Variants in CCNY observed in about 807,000 individuals in gnomAD.
CCNY encodes cyclin-Y.
Under a neutral mutation model 42.8 loss-of-function variants are expected in CCNY, and 19 were observed. The observed-to-expected ratio is 0.44, with a 90% confidence interval of 0.31 to 0.65. The LOEUF (loss-of-function observed/expected upper bound fraction) is 0.65. CCNY is among the 30% of genes least tolerant of loss of function. The pLI, the probability that CCNY is intolerant of heterozygous loss-of-function variation, is 0.07. For synonymous variants in CCNY, 165 were observed against 162.7 expected, an observed-to-expected ratio of 1.01 and a Z score of -0.11; for missense variants, 370 against 437.3, an observed-to-expected ratio of 0.85 and a Z score of 1.37.
At chr10:35,542,946 C>T (rs113631648) in intron 7 of CCNY, among the ~76,000 whole-genome samples, 1,583 of 152,278 alleles carry the variant, frequency 0.01, 24 homozygotes, top group African/African-American at 0.036. Flanking sequence ...GTTGCCATGC[C>T]TATGCAAATT....
At chr10:35,345,596 A>T (rs1419167650) in intron 1 of CCNY, among the ~76,000 whole-genome samples, 1 of 152,172 alleles carries the variant, frequency 6.6e-6, no homozygotes, top group Non-Finnish European at 1.5e-5. Flanking sequence ...TGGTACTCAT[A>T]TTGATTTTCT....
intron 1 of CCNY, among the ~76,000 whole-genome samples, chr10:35,480,170 G>A (rs1028654948): frequency 2.0e-5 from 3 of 152,156 alleles, no homozygotes; most frequent in African/African-American, 7.2e-5. Flanking sequence ...CCGCACTGGG[G>A]AGAGATGACA....
chr10:35,326,035 C>G (rs1564369303), intron 3 of CCNY, among the ~76,000 whole-genome samples: 1 of 152,134 alleles, frequency 6.6e-6, no homozygotes, highest in Non-Finnish European at 1.5e-5. Context: ...ATGATTATGC[C>G]ACTGCACTTT....
intron 8 of CCNY, among the ~76,000 whole-genome samples, chr10:35,562,474 C>T (rs1466353920): frequency 6.6e-6 from 1 of 152,200 alleles, no homozygotes; most frequent in African/African-American, 2.4e-5. Flanking sequence ...ACTTGCCATT[C>T]CTCCTTCCTC....
At position 35,572,574 on chromosome 10, in the gene CCNY, CT is replaced by C. The variant is rs778046651; in HGVS notation, c.*3405del. ...AGATTACAGGCGTGAGCCACTGCCC[CT>C]GGCCCAGATTTGAAATTTTTTAAAA... On this transcript the variant is annotated 3_prime_UTR_variant, in exon 10 of 10. Coordinates refer to ENST00000374704, the MANE Select transcript of CCNY (RefSeq NM_145012.6). 5.3e-5 allele frequency: 8 copies of C among 152,216 alleles called. No individual in the cohort carries two copies. The highest frequency in any genetic ancestry group is 7.3e-5 in the Non-Finnish European group (5 of 68,046). The allele number at this position is 152,216 out of a possible 1,614,324, so 9.4% of individuals were successfully genotyped here. A position where few individuals can be genotyped will look rare whatever the true frequency, so the allele number is the denominator to read the frequency against.
chr10:35,389,059 G>T (rs932514662), intron 1 of CCNY, among the ~76,000 whole-genome samples: 2 of 152,208 alleles, frequency 1.3e-5, no homozygotes, highest in East Asian at 3.8e-4. Flanking sequence ...AATTCCATCT[G>T]CAACCTTAAT....
intron 3 of CCNY, among the ~76,000 whole-genome samples, chr10:35,302,495 G>C (rs1387542139): frequency 6.6e-6 from 1 of 151,758 alleles, no homozygotes; most frequent in Non-Finnish European, 1.5e-5. Flanking sequence ...ATTTTTGGTA[G>C]AGACGGGGTT....
At chr10:35,521,635 C>T (rs543886498) in intron 4 of CCNY, among the ~76,000 whole-genome samples, 1 of 152,310 alleles carries the variant, frequency 6.6e-6, no homozygotes, top group East Asian at 1.9e-4. Flanking sequence ...ATCGTTCTGG[C>T]CCTGCGAAGG....
In CCNY at chr10:35,313,674, T is replaced by A. The variant is rs182244987; in HGVS notation, c.-9+63048T>A. Among the ~76,000 whole-genome samples the A allele has an allele frequency of 1.5e-4, 23 of 152,230 alleles. 1 individual carries two copies. The East Asian group carries it at 4.3e-3, about 28-fold the overall frequency. On this transcript the variant is annotated intron_variant, in intron 3 of 11. Transcript: ENST00000374706. ...AGACAACTGGTTCTGTATAAATTAC[T>A]AAGATTAAAAGTAAATGGCTGGGCA... is the stretch of plus-strand genomic sequence containing the variant.
At chr10:35,523,291 T>C (rs1187916353) in intron 4 of CCNY, among the ~76,000 whole-genome samples, 1 of 152,180 alleles carries the variant, frequency 6.6e-6, no homozygotes, top group Non-Finnish European at 1.5e-5. Flanking sequence ...CTTGGCCCAC[T>C]GTCTCAGGCC....
chr10:35,356,133 A>G (rs1439252966), intron 1 of CCNY, among the ~76,000 whole-genome samples: 2 of 152,206 alleles, frequency 1.3e-5, no homozygotes, highest in Non-Finnish European at 2.9e-5. Flanking sequence ...GAAAGCTTGT[A>G]TTACAAAGAT....
At chr10:35,283,508 A>G (rs780043241) in intron 3 of CCNY, among the ~76,000 whole-genome samples, 1 of 151,644 alleles carries the variant, frequency 6.6e-6, no homozygotes. Flanking sequence ...GGTTCAAGTG[A>G]TTCTCCTGCC....
chr10:35,356,819 C>A (rs960283908), intron 1 of CCNY, among the ~76,000 whole-genome samples: 1 of 152,170 alleles, frequency 6.6e-6, no homozygotes, highest in Admixed American at 6.5e-5. Context: ...CTCTCTCTCT[C>A]CTTAACAGAT....
chr10:35,252,698 G>A lies in CCNY; in HGVS notation c.-9+2072G>A, dbSNP rs115030139. Among the ~76,000 whole-genome samples, 667 of 151,658 alleles carry A rather than the reference G, an allele frequency of 4.4e-3. 6 individuals carry two copies. Among genetic ancestry groups the A allele is most frequent in the African/African-American group, 0.015 (640 of 41,360 alleles). On this transcript the variant is annotated intron_variant, in intron 3 of 11. Coordinates refer to the CCNY transcript ENST00000374706. ...GTACTGGATGGAGATCTTGCTTCTT[G>A]TTTTACTTTTTGACAGCAGAGGGAG... is the stretch of plus-strand genomic sequence containing the variant.
chr10:35,434,367 T>C (rs1589119062), intron 1 of CCNY: 1 of 152,168 alleles, frequency 6.6e-6, no homozygotes, highest in East Asian at 1.9e-4. Context: ...CCTGATGGAG[T>C]GCCCAGCTGA....
chr10:35,289,422 A>T (rs1835387498), intron 3 of CCNY: 1 of 152,210 alleles, frequency 6.6e-6, no homozygotes, highest in Non-Finnish European at 1.5e-5. Flanking sequence ...AAAGGAAGAA[A>T]AGTGGGAAGG....
intron 7 of CCNY, among the ~76,000 whole-genome samples, chr10:35,547,726 C>G (rs775880411): frequency 3.9e-5 from 6 of 152,088 alleles, no homozygotes; most frequent in African/African-American, 9.7e-5. Context: ...CCCTTGTCGT[C>G]CCTGCAGGAC....
chr10:35,386,318 C>T (rs16936005), intron 1 of CCNY, among the ~76,000 whole-genome samples: 2,139 of 152,246 alleles, frequency 0.014, 43 homozygotes, highest in African/African-American at 0.048. Context: ...AGGGATTTCC[C>T]GGTAAAGCAT....
At chr10:35,282,697 C>G (rs866531794) in intron 3 of CCNY, among the ~76,000 whole-genome samples, 1 of 141,874 alleles carries the variant, frequency 7.0e-6, no homozygotes, top group African/African-American at 2.6e-5. Flanking sequence ...CACTCCAGCC[C>G]GGGCAACAGT....
Sources: allele counts gnomAD v4.1 joint callset (sites outside exome capture counted in the v4.1 genomes callset), GRCh38; gene constraint gnomAD v4.1.1; transcripts MANE v1.5; gene names NCBI Gene and HGNC (gene_info 2026-07-23, HGNC 2026-07-21).